SDCBP: variants seen among roughly 807,000 people sequenced by gnomAD.
SDCBP encodes the protein syndecan binding protein, also known as syntenin-1.
Under a neutral mutation model 30.5 loss-of-function variants are expected in SDCBP, and 22 were observed. The ratio of observed to expected loss-of-function variants is 0.72; its 90% CI spans 0.52 to 1.03. The LOEUF (loss-of-function observed/expected upper bound fraction) is 1.03. Ranked by LOEUF, SDCBP falls within the 50% of genes least tolerant of loss-of-function variation. The pLI is 0.00. For synonymous variants in SDCBP, 103 were observed against 118.7 expected (o/e 0.87, Z 0.86); for missense variants, 304 against 369.9 (o/e 0.82, Z 1.46).
intron 4 of SDCBP, among the ~76,000 whole-genome samples, chr8:58,574,949 A>G (rs922040938): frequency 1.3e-5 from 2 of 152,214 alleles, no homozygotes; most frequent in Non-Finnish European, 2.9e-5. Flanking sequence ...TATGCTGTAC[A>G]TTAGATCTCC....
rs3739325 is a variant in SDCBP at position 58,580,553 on chromosome 8, A to G, written c.787A>G (p.Thr263Ala). 1,410 of 1,595,556 alleles carry G rather than the reference A, an allele frequency of 8.8e-4. 26 individuals carry two copies. The East Asian group carries it at 0.031, about 35-fold the overall frequency. ...TGCAGACATACTGTCAACATCTGGG[A>G]CTGTAGTTACTATTACAATCATGCC... ...QIADILSTSG[T>A]VVTITIMPAF... is the part of the protein sequence containing the mutation. The change falls in exon 8 of 9, where the codon ACT (threonine) becomes GCT (alanine). Residue 263 changes from threonine (T) to alanine (A), a missense_variant. Coordinates refer to ENST00000260130, the MANE Select transcript of SDCBP (RefSeq NM_005625.4).
intron 5 of SDCBP, 89 bp from the exon 6 acceptor site, chr8:58,577,944 C>G: frequency 9.9e-7 from 1 of 1,012,982 alleles, no homozygotes; most frequent in East Asian, 2.6e-5. Flanking sequence ...GTAGAGTTTT[C>G]AACATAAACA....
rs373068871 is a variant in SDCBP at position 58,582,195 on chromosome 8, CTG to C, written c.*469_*470del. 3.5e-4 allele frequency: 54 copies of C among 154,938 alleles called. No homozygotes were observed. Among genetic ancestry groups the C allele is most frequent in the Admixed American group, 1.7e-3 (27 of 15,462 alleles). The allele number at this position is 154,938 out of a possible 1,614,324, so 9.6% of individuals were successfully genotyped here. A position where few individuals can be genotyped will look rare whatever the true frequency, so the allele number is the denominator to read the frequency against. ...TTGCCTTTGATTTTTTTTTTAAATTCTGTGTGTGTGTGTGTAAAATGCCAATT... is the reference window on the plus strand; with the variant it reads ...TTGCCTTTGATTTTTTTTTTAAATTCTGTGTGTGTGTGTAAAATGCCAATT... On this transcript the variant is annotated 3_prime_UTR_variant, in exon 9 of 9. Coordinates refer to ENST00000260130, the MANE Select transcript of SDCBP (RefSeq NM_005625.4).
rs141738167 is a variant in SDCBP, at chr8:58,555,664, A to G, written c.-16+2361A>G. Among the ~76,000 whole-genome samples the G allele has an allele frequency of 4.7e-4, 71 of 152,188 alleles. No homozygotes were observed. In the East Asian group the frequency reaches 0.014, roughly 29 times the overall value. On this transcript the variant is annotated intron_variant, in intron 1 of 8. Coordinates refer to ENST00000260130, the MANE Select transcript of SDCBP (RefSeq NM_005625.4). ...TGCTCTGGAAGACTGCTTAGGATAT[A>G]TTAAATTGTGTTTCTAGACCTCATG... is the stretch of plus-strand genomic sequence containing the variant.
At position 58,573,111 on chromosome 8, in the gene SDCBP, G is replaced by C. The variant is rs1805124376; in HGVS notation, c.240+797G>C. On this transcript the variant is annotated intron_variant, in intron 4 of 8. Transcript: ENST00000260130. Reference sequence around the variant, plus strand: ...GCATGAGCCACTGTGCCTGGCCTTTGCTCTTAATCTTTTAACATTCTTTTT... The same window carrying C: ...GCATGAGCCACTGTGCCTGGCCTTTCCTCTTAATCTTTTAACATTCTTTTT... Among the ~76,000 whole-genome samples, 3 of 152,030 alleles carry C rather than the reference G, an allele frequency of 2.0e-5. No individual in the cohort carries two copies. In the South Asian group the frequency reaches 6.2e-4, roughly 32 times the overall value.
At position 58,563,130 on chromosome 8, in the gene SDCBP, C is replaced by G. The variant is rs188928812; in HGVS notation, c.-15-1889C>G. Among the ~76,000 whole-genome samples the G allele has an allele frequency of 1.2e-4, 19 of 152,266 alleles. No individual in the cohort carries two copies. The East Asian group carries it at 3.7e-3, about 29-fold the overall frequency. On this transcript the variant is annotated intron_variant, in intron 1 of 8. Transcript: ENST00000260130. ...ATATTATTTGCTAACAATGCAAATG[C>G]TCATTGGCATTTTTAACAGCATTAT...
At chr8:58,553,413 G>T (rs756788318) in intron 1 of SDCBP, 110 bp downstream of exon 1, 1 of 152,622 alleles carries the variant, frequency 6.6e-6, no homozygotes, top group Non-Finnish European at 1.5e-5. Context: ...CATCCTGGTC[G>T]CAGCCGTTTT....
intron 6 of SDCBP, 80 bp downstream of exon 6, chr8:58,578,288 ATTAT>A (rs1805463254): frequency 9.3e-7 from 1 of 1,070,656 alleles, no homozygotes; most frequent in Non-Finnish European, 1.3e-6. Flanking sequence ...TTGTGAGTAT[ATTAT>A]TTTGTTGCAG....
intron 3 of SDCBP, among the ~76,000 whole-genome samples, chr8:58,571,399 A>G (rs1162612431): frequency 6.6e-6 from 1 of 152,102 alleles, no homozygotes; most frequent in Non-Finnish European, 1.5e-5. Flanking sequence ...CCTAAATCTT[A>G]AGGCCTTTAT....
chr8:58,555,072 C>G (rs1563500385), intron 1 of SDCBP, among the ~76,000 whole-genome samples: 1 of 152,180 alleles, frequency 6.6e-6, no homozygotes, highest in Non-Finnish European at 1.5e-5. Flanking sequence ...ATTTTATATA[C>G]TGCTTCACAT....
chr8:58,570,870 C>T lies in SDCBP; in HGVS notation c.52-17C>T, dbSNP rs528635517. Reference sequence around the variant, plus strand: ...AAGTATAGCATATTGTTAGAATTTTCTTCTTTTCTTTTTCAGGCTCAAACT... The same window carrying T: ...AAGTATAGCATATTGTTAGAATTTTTTTCTTTTCTTTTTCAGGCTCAAACT... On this transcript the variant is annotated splice_polypyrimidine_tract_variant and intron_variant, in intron 2 of 8. Coordinates refer to ENST00000260130, the MANE Select transcript of SDCBP (RefSeq NM_005625.4). The T allele has an allele frequency of 1.8e-4, 295 of 1,597,250 alleles. 1 individual carries two copies. In the South Asian group the frequency reaches 3.1e-3, roughly 17 times the overall value.
At chr8:58,561,205 A>G (rs1804424428) in intron 1 of SDCBP, 1 of 152,194 alleles carries the variant, frequency 6.6e-6, no homozygotes, top group African/African-American at 2.4e-5. Context: ...AAAAATAAAA[A>G]AAGAATGAAG....
chr8:58,568,554 A>C (rs890557094), intron 2 of SDCBP, among the ~76,000 whole-genome samples: 1 of 152,212 alleles, frequency 6.6e-6, no homozygotes, highest in Admixed American at 6.5e-5. Context: ...ATTATTATCA[A>C]GTATTATGTA....
chr8:58,567,185 AATGGTTT>A (rs1804746155), intron 2 of SDCBP, among the ~76,000 whole-genome samples: 1 of 152,188 alleles, frequency 6.6e-6, no homozygotes, highest in South Asian at 2.1e-4. Context: ...AGCTACATTT[AATGGTTT>A]ACAGTACTTA....
rs546295919 is a variant in SDCBP, at chr8:58,569,146, A to G, written c.52-1741A>G. Among the ~76,000 whole-genome samples, 35 of 150,140 alleles carry G rather than the reference A, an allele frequency of 2.3e-4. 1 individual carries two copies. In the Middle Eastern group the frequency reaches 0.01, roughly 44 times the overall value. The stretch of plus-strand genomic sequence containing the variant: ...AACCTCCTCCTCCTGGGTTCAAGCA[A>G]TTCTCCCTGCCTCAGCCTCCCGGGT... On this transcript the variant is annotated intron_variant, in intron 2 of 8. Transcript: ENST00000260130.
Position 58,565,085 on chromosome 8 carries a change from G to T in SDCBP, c.51+1G>T, listed in dbSNP as rs762285490. The T allele has an allele frequency of 1.3e-6, 2 of 1,533,876 alleles. No individual in the cohort carries two copies. Among genetic ancestry groups the T allele is most frequent in the East Asian group, 2.3e-5 (1 of 43,316 alleles). ...CTTGAAGGTAGACAAAGTAATTCAG[G>T]TATGATAGTTTAAATACTTTTGTCA... On this transcript the variant is annotated splice_donor_variant, in intron 2 of 8. Coordinates refer to ENST00000260130, the MANE Select transcript of SDCBP (RefSeq NM_005625.4). LOFTEE classifies it high-confidence loss of function.
chr8:58,582,122 A>G lies in SDCBP; in HGVS notation c.*382A>G. ...GTGCTGTTCATATTACTTTAGTTCTATAGCATACTTGCATCTTTAACATGC... is the reference window on the plus strand; with the variant it reads ...GTGCTGTTCATATTACTTTAGTTCTGTAGCATACTTGCATCTTTAACATGC... On this transcript the variant is annotated 3_prime_UTR_variant, in exon 9 of 9. Coordinates refer to ENST00000260130, the MANE Select transcript of SDCBP (RefSeq NM_005625.4). The G allele has an allele frequency of 5.7e-6, 1 of 175,550 alleles. No individual in the cohort carries two copies. Among genetic ancestry groups the G allele is most frequent in the African/African-American group, 2.4e-5 (1 of 42,022 alleles). The allele number at this position is 175,550 out of a possible 1,614,324, so 10.9% of individuals were successfully genotyped here.
intron 1 of SDCBP, among the ~76,000 whole-genome samples, chr8:58,564,018 C>T (rs537594235): frequency 6.6e-6 from 1 of 152,252 alleles, no homozygotes; most frequent in Non-Finnish European, 1.5e-5. Context: ...TGAAACTACT[C>T]CTGGCAGGAG....
rs1406067214 is a variant in SDCBP at position 58,582,097 on chromosome 8, G to A, written c.*357G>A. 3 of 216,288 alleles carry A rather than the reference G, an allele frequency of 1.4e-5. No homozygotes were observed. Among genetic ancestry groups the A allele is most frequent in the East Asian group, 1.2e-4 (1 of 8,314 alleles). 13.4% of individuals were successfully genotyped at this position (216,288 alleles called of 1,614,324 possible). ...TCACCTTTCTCCTAGGTAATGAGTA[G>A]TGCTGTTCATATTACTTTAGTTCTA... is the stretch of plus-strand genomic sequence containing the variant. On this transcript the variant is annotated 3_prime_UTR_variant, in exon 9 of 9. Transcript: ENST00000260130.
Sources: allele counts gnomAD v4.1 joint callset (sites outside exome capture counted in the v4.1 genomes callset), GRCh38; gene constraint gnomAD v4.1.1; transcripts MANE v1.5; gene names NCBI Gene and HGNC (gene_info 2026-07-23, HGNC 2026-07-21).